Variants in ATP8B1 observed in about 807,000 individuals in gnomAD.
ATP8B1 encodes ATPase phospholipid transporting 8B1, also known as phospholipid-transporting ATPase IC.
Under a neutral mutation model 149.9 loss-of-function variants are expected in ATP8B1, and 80 were observed. The ratio of observed to expected loss-of-function variants is 0.53; its 90% confidence interval spans 0.45 to 0.64. The LOEUF is 0.64. ATP8B1 is among the 30% of genes least tolerant of loss of function. The pLI, the probability that ATP8B1 is intolerant of heterozygous loss-of-function variation, is 0.00. For synonymous variants in ATP8B1, 536 were observed against 562.8 expected (o/e 0.95, Z 0.67); for missense variants, 1,247 against 1,552.6 (o/e 0.80, Z 3.31).
intron 17 of ATP8B1, among the ~76,000 whole-genome samples, chr18:57,669,912 G>T (rs1361284296): frequency 1.3e-5 from 2 of 152,048 alleles, no homozygotes; most frequent in Non-Finnish European, 2.9e-5. Flanking sequence ...CAGCGTGCTG[G>T]GATTACAGGC....
intron 1 of ATP8B1, chr18:57,732,161 A>ATGTATATATG (rs1568044012): frequency 3.6e-5 from 1 of 27,436 alleles, no homozygotes; most frequent in African/African-American, 1.3e-4. Context: ...ATGTATATAT[A>ATGTATATATG]TGTATATATG....
rs777300532 is a variant in ATP8B1 at position 57,670,386 on chromosome 18, C to CTA, written c.1933-906_1933-905dup. Among the ~76,000 whole-genome samples, 9 of 143,668 alleles carry CTA rather than the reference C, an allele frequency of 6.3e-5. No homozygotes were observed. In the East Asian group the frequency reaches 1.0e-3, roughly 16 times the overall value. The allele number at this position is 143,668 out of a possible 152,430, so 94.3% of individuals were successfully genotyped here. A position where few individuals can be genotyped will look rare whatever the true frequency, so the allele number is the denominator to read the frequency against. The stretch of plus-strand genomic sequence containing the variant: ...TTTTTTTTTGAGATGAAGTCTCACT[C>CTA]TATCGCCCAGGCTTGAGTGCAGTGG... On this transcript the variant is annotated intron_variant, in intron 17 of 27. Coordinates refer to ENST00000648908, the MANE Select transcript of ATP8B1 (RefSeq NM_001374385.1).
At chr18:57,655,753 T>A (rs924252021) in intron 22 of ATP8B1, among the ~76,000 whole-genome samples, 3 of 152,232 alleles carry the variant, frequency 2.0e-5, no homozygotes, top group African/African-American at 7.2e-5. Flanking sequence ...GTACACTGTG[T>A]CCTTGCCTCT....
At chr18:57,698,911 T>C (rs1245865320) in intron 6 of ATP8B1, among the ~76,000 whole-genome samples, 1 of 152,250 alleles carries the variant, frequency 6.6e-6, no homozygotes. Flanking sequence ...TATTCTGATA[T>C]GGATTTTATT....
chr18:57,695,603 AG>A lies in ATP8B1; in HGVS notation c.699-72del, dbSNP rs1912770638. 8 of 1,163,310 alleles carry A rather than the reference AG, an allele frequency of 6.9e-6. No homozygotes were observed. In the South Asian group the frequency reaches 1.0e-4, roughly 15 times the overall value. 72.1% of individuals were successfully genotyped at this position (1,163,310 alleles called of 1,614,324 possible). On this transcript the variant is annotated intron_variant, in intron 8 of 27. Coordinates refer to ENST00000648908, the MANE Select transcript of ATP8B1 (RefSeq NM_001374385.1). The stretch of plus-strand genomic sequence containing the variant: ...TTCAAAGTGGAAGTTAATCATCCAA[AG>A]TTACATTAGCCATACCTGGACATGA...
Position 57,773,396 on chromosome 18 carries a change from G to A in ATP8B1, c.-26+29602C>T, listed in dbSNP as rs573139901. 2.0e-5 allele frequency among the ~76,000 whole-genome samples: 3 copies of A among 152,198 alleles called. No individual in the cohort carries two copies. In the East Asian group the frequency reaches 5.8e-4, roughly 29 times the overall value. On this transcript the variant is annotated intron_variant, in intron 1 of 27. Transcript: ENST00000648908. The stretch of plus-strand genomic sequence containing the variant: ...ATTTCTGGCAGAACTTTCAGAGGCA[G>A]AGGCAGCATTTTACAACTCACTTCA...
At chr18:57,653,127 T>C (rs576480799) in intron 24 of ATP8B1, among the ~76,000 whole-genome samples, 3 of 152,300 alleles carry the variant, frequency 2.0e-5, no homozygotes, top group South Asian at 4.1e-4. Flanking sequence ...CTTTTTAGTC[T>C]TTATAGTGCT....
At chr18:57,668,977 G>T (rs187716043) in intron 18 of ATP8B1, 5 of 212,850 alleles carry the variant, frequency 2.3e-5, no homozygotes, top group Non-Finnish European at 4.6e-5. Flanking sequence ...AGATTTTGCA[G>T]AATATGAATT....
chr18:57,675,109 G>A, intron 15 of ATP8B1, 87 bp from the exon 16 acceptor site: 1 of 1,388,340 alleles, frequency 7.2e-7, no homozygotes, highest in South Asian at 1.2e-5. Context: ...GCTCCTGTGG[G>A]GGTCAGATGG....
chr18:57,697,662 A>G lies in ATP8B1; in HGVS notation c.654T>C (p.Ser218=), dbSNP rs1912889408. The change falls in exon 8 of 28, where the codon TCT becomes TCC. Residue 218 remains serine (S), a synonymous_variant. Transcript: ENST00000648908. ...VPADILLLSS[S]EPNSLCYVET... is the part of the protein sequence containing the mutation. ...CCACATAGCAGAGGCTGTTAGGCTC[A>G]GAGCTAGACAGCAGGAGAATGTCAG... 1 of 1,614,158 alleles carries G rather than the reference A, an allele frequency of 6.2e-7. No individual in the cohort carries two copies. The highest frequency in any genetic ancestry group is 8.5e-7 in the Non-Finnish European group (1 of 1,180,030).
rs193204986 is a variant in ATP8B1 at position 57,691,955 on chromosome 18, C to T, written c.1072G>A (p.Gly358Ser). 4.4e-4 allele frequency: 708 copies of T among 1,613,936 alleles called. 7 individuals carry two copies. The highest frequency in any genetic ancestry group is 2.3e-4 in the Non-Finnish European group (271 of 1,180,000). ...ACCTGTGCTTCCCAATAAGCATGGCCGATGGCAAGACCAGCAGAAAGCAGA... is the reference window on the plus strand; with the variant it reads ...ACCTGTGCTTCCCAATAAGCATGGCTGATGGCAAGACCAGCAGAAAGCAGA... ...LILLSAGLAIGHAYWEAQVGN... is the reference protein window; with the variant it reads ...LILLSAGLAISHAYWEAQVGN... Residue 358 changes from glycine to serine, a missense_variant, in exon 12 of 28, where the codon GGC becomes AGC. Transcript: ENST00000648908.
chr18:57,725,342 C>A (rs1453314992), intron 2 of ATP8B1, among the ~76,000 whole-genome samples: 1 of 151,708 alleles, frequency 6.6e-6, no homozygotes, highest in Non-Finnish European at 1.5e-5. Context: ...AAGATCTCTG[C>A]AATCAAAACT....
rs1363848066 is a variant in ATP8B1 at position 57,646,643 on chromosome 18, C to G, written c.*1845G>C. 1 of 152,410 alleles carries G rather than the reference C, an allele frequency of 6.6e-6. No homozygotes were observed. Among genetic ancestry groups the G allele is most frequent in the East Asian group, 1.9e-4 (1 of 5,186 alleles). The allele number at this position is 152,410 out of a possible 1,614,324, so 9.4% of individuals were successfully genotyped here. On this transcript the variant is annotated 3_prime_UTR_variant, in exon 28 of 28. Coordinates refer to ENST00000648908, the MANE Select transcript of ATP8B1 (RefSeq NM_001374385.1). ...GCAAAAACAGGAGAGAAATCTGAAACTAACAGAATTACACAAGCTAAGTTT... is the reference window on the plus strand; with the variant it reads ...GCAAAAACAGGAGAGAAATCTGAAAGTAACAGAATTACACAAGCTAAGTTT...
At chr18:57,779,626 A>G (rs755030587) in intron 1 of ATP8B1, among the ~76,000 whole-genome samples, 1 of 152,326 alleles carries the variant, frequency 6.6e-6, no homozygotes, top group Non-Finnish European at 1.5e-5. Context: ...AGGGGCGGGC[A>G]TGGCGGCTCA....
intron 1 of ATP8B1, among the ~76,000 whole-genome samples, chr18:57,754,059 T>C (rs2123281389): frequency 7.3e-6 from 1 of 137,732 alleles, no homozygotes; most frequent in South Asian, 2.2e-4. Flanking sequence ...TGCATTGGAC[T>C]TGAGGAGGCA....
In ATP8B1 at chr18:57,781,403, C is replaced by T. The variant is rs528826975; in HGVS notation, c.-26+21595G>A. On this transcript the variant is annotated intron_variant, in intron 1 of 27. Transcript: ENST00000648908. ...GAGTTGTTAAAATCATAAAACAGAA[C>T]CACCTGTTTTTGAGCTATATGGGTT... Among the ~76,000 whole-genome samples, 15 of 152,190 alleles carry T rather than the reference C, an allele frequency of 9.9e-5. No individual in the cohort carries two copies. The South Asian group carries it at 3.1e-3, about 32-fold the overall frequency.
intron 1 of ATP8B1, among the ~76,000 whole-genome samples, chr18:57,783,985 C>G (rs1291485549): frequency 6.6e-6 from 1 of 152,158 alleles, no homozygotes; most frequent in African/African-American, 2.4e-5. Flanking sequence ...ATCCTTGCTA[C>G]TTGAAAAAGA....
At chr18:57,751,295 G>C (rs76825730) in intron 1 of ATP8B1, among the ~76,000 whole-genome samples, 1,629 of 151,978 alleles carry the variant, frequency 0.011, 37 homozygotes, top group African/African-American at 0.037. Flanking sequence ...ACCAGGCTGG[G>C]CAGTATGGTG....
At chr18:57,786,408 T>G (rs2080410268) in intron 1 of ATP8B1, among the ~76,000 whole-genome samples, 1 of 152,146 alleles carries the variant, frequency 6.6e-6, no homozygotes, top group African/African-American at 2.4e-5. Context: ...CAGAATCACC[T>G]GGAAGTTTTA....
Sources: gnomAD v4.1 joint callset for allele counts (sites outside exome capture counted in the v4.1 genomes callset) on GRCh38, gnomAD v4.1.1 for gene constraint, MANE v1.5 for transcripts, NCBI Gene and HGNC (gene_info 2026-07-23, HGNC 2026-07-21) for gene names.